SLC35B4: variants seen among roughly 807,000 people sequenced by gnomAD.
SLC35B4 encodes the protein nucleotide sugar transporter SLC35B4.
In SLC35B4, 28 loss-of-function variants were observed where a neutral mutation model predicts 39.5. The ratio of observed to expected loss-of-function variants is 0.71; its 90% CI spans 0.53 to 0.97. The LOEUF (loss-of-function observed/expected upper bound fraction) is 0.97, where lower values mean the gene tolerates loss of function less well. Ranked by LOEUF, SLC35B4 falls within the 50% of genes least tolerant of loss-of-function variation. The probability of loss-of-function intolerance (pLI) is 0.00; values close to 1 mark genes in which losing one functional copy is unlikely to be tolerated. For missense variants in SLC35B4, 334 were observed against 414.3 expected (o/e 0.81, Z 1.68); for synonymous variants, 145 against 150.4 (o/e 0.96, Z 0.26).
At chr7:134,295,784 C>CA (rs1803453124) in intron 9 of SLC35B4, among the ~76,000 whole-genome samples, 1 of 151,862 alleles carries the variant, frequency 6.6e-6, no homozygotes. Flanking sequence ...CTTAGGACAC[C>CA]AAAAAATCAC....
At chr7:134,300,613 C>T (rs1006143296) in intron 6 of SLC35B4, among the ~76,000 whole-genome samples, 2 of 152,094 alleles carry the variant, frequency 1.3e-5, no homozygotes, top group Non-Finnish European at 2.9e-5. Flanking sequence ...GGATGTAGCA[C>T]ACTTAAATGT....
chr7:134,308,248 T>C (rs1478240635), intron 2 of SLC35B4, among the ~76,000 whole-genome samples: 2 of 152,006 alleles, frequency 1.3e-5, no homozygotes, highest in Non-Finnish European at 2.9e-5. Context: ...TTAAGTGAAA[T>C]TGATGGATGA....
rs769996271 is a variant in SLC35B4, at chr7:134,299,605, A to G, written c.598-7T>C. 1.2e-6 allele frequency: 2 copies of G among 1,611,984 alleles called. No homozygotes were observed. Among genetic ancestry groups the G allele is most frequent in the South Asian group, 1.1e-5 (1 of 90,984 alleles). Reference sequence around the variant, plus strand: ...CCGGAAGTGGAAGGGCGTGCTATGGAAAGAAACAGGTCAGATAAATGTAAG... The same window carrying G: ...CCGGAAGTGGAAGGGCGTGCTATGGGAAGAAACAGGTCAGATAAATGTAAG... On this transcript the variant is annotated splice_region_variant and splice_polypyrimidine_tract_variant and intron_variant, in intron 7 of 9. Transcript: ENST00000378509.
upstream of SLC35B4, among the ~76,000 whole-genome samples, chr7:134,318,045 C>T (rs1439314329): frequency 8.5e-5 from 13 of 152,198 alleles, no homozygotes; most frequent in African/African-American, 3.1e-4. Context: ...TTGCTATTTC[C>T]TGTGAGACAC....
intron 1 of SLC35B4, among the ~76,000 whole-genome samples, chr7:134,312,998 C>T (rs904722094): frequency 2.0e-5 from 3 of 152,144 alleles, no homozygotes; most frequent in African/African-American, 7.2e-5. Context: ...CAGCAATAAC[C>T]CTATTCTACT....
chr7:134,301,679 G>A, intron 6 of SLC35B4, 82 bp downstream of exon 6: 4 of 1,309,786 alleles, frequency 3.1e-6, no homozygotes, highest in Non-Finnish European at 4.4e-6. Context: ...GAAGCTTCTT[G>A]CCAAGAAACA....
chr7:134,317,487 C>G (rs1349477578), upstream of SLC35B4, among the ~76,000 whole-genome samples: 3 of 152,170 alleles, frequency 2.0e-5, no homozygotes, highest in South Asian at 2.1e-4. Context: ...TGAGGTGCAG[C>G]CTTAAAGGTG....
chr7:134,304,414 C>T (rs550872127), intron 4 of SLC35B4, among the ~76,000 whole-genome samples: 2 of 151,992 alleles, frequency 1.3e-5, no homozygotes, highest in African/African-American at 4.8e-5. Flanking sequence ...AAAAAATGTA[C>T]GTGACTAATG....
At chr7:134,298,465 T>A (rs1035804764) in intron 8 of SLC35B4, among the ~76,000 whole-genome samples, 1 of 152,214 alleles carries the variant, frequency 6.6e-6, no homozygotes, top group Non-Finnish European at 1.5e-5. Context: ...GAAGGCAGAT[T>A]CTGTAAAACA....
At chr7:134,317,316 TG>T (rs758333602), upstream of SLC35B4, among the ~76,000 whole-genome samples, 5 of 152,260 alleles carry the variant, frequency 3.3e-5, no homozygotes, top group East Asian at 7.7e-4. Flanking sequence ...TATATATATA[TG>T]TATCTTTGGT....
chr7:134,293,147 T>TAC lies in SLC35B4; in HGVS notation c.*1684_*1685dup, dbSNP rs57402927. On this transcript the variant is annotated 3_prime_UTR_variant, in exon 10 of 10. Coordinates refer to ENST00000378509, the MANE Select transcript of SLC35B4 (RefSeq NM_032826.5). ...TGTGCACCACACACACACACATACATACACACACACACACACAGTCTTTGT... is the reference window on the plus strand; with the variant it reads ...TGTGCACCACACACACACACATACATACACACACACACACACACAGTCTTTGT... 3,807 of 150,618 alleles carry TAC rather than the reference T, an allele frequency of 0.025. 69 individuals are homozygous for TAC. Among genetic ancestry groups the TAC allele is most frequent in the Non-Finnish European group, 0.041 (2,745 of 67,536 alleles). The allele number at this position is 150,618 out of a possible 1,614,324, so 9.3% of individuals were successfully genotyped here. A position where few individuals can be genotyped will look rare whatever the true frequency, so the allele number is the denominator to read the frequency against.
chr7:134,309,325 T>TA (rs1340510577), intron 2 of SLC35B4, 41 bp downstream of exon 2: 4 of 1,343,720 alleles, frequency 3.0e-6, no homozygotes, highest in Admixed American at 2.6e-5. Context: ...TTTACTTTCT[T>TA]AAAAAATCCA....
upstream of SLC35B4, chr7:134,317,040 T>G: frequency 1.9e-5 from 7 of 377,698 alleles, no homozygotes; most frequent in Non-Finnish European, 2.9e-5. Flanking sequence ...GGATGCGACG[T>G]TCCCGCTTCC....
At chr7:134,299,417 A>G (rs41274185) in intron 8 of SLC35B4, 106 bp downstream of exon 8, 6 of 823,412 alleles carry the variant, frequency 7.3e-6, no homozygotes, top group African/African-American at 6.9e-5. Flanking sequence ...AAAGGAACAC[A>G]TGATTTGAAT....
At position 134,309,346 on chromosome 7, in the gene SLC35B4, G is replaced by C; in HGVS notation, c.191+20C>G. 1.3e-6 allele frequency: 2 copies of C among 1,511,968 alleles called. No individual in the cohort carries two copies. Among genetic ancestry groups the C allele is most frequent in the Non-Finnish European group, 1.8e-6 (2 of 1,114,266 alleles). 93.7% of individuals were successfully genotyped at this position (1,511,968 alleles called of 1,614,324 possible). A position where few individuals can be genotyped will look rare whatever the true frequency, so the allele number is the denominator to read the frequency against. ...TTCTTAAAAAATCCAAAAGCTAAAAGAGACTCTAATGTACCATACCTTATT... is the reference window on the plus strand; with the variant it reads ...TTCTTAAAAAATCCAAAAGCTAAAACAGACTCTAATGTACCATACCTTATT... On this transcript the variant is annotated intron_variant, in intron 2 of 9. Transcript: ENST00000378509.
At chr7:134,315,851 T>C (rs1803960072) in intron 1 of SLC35B4, among the ~76,000 whole-genome samples, 1 of 152,132 alleles carries the variant, frequency 6.6e-6, no homozygotes, top group Non-Finnish European at 1.5e-5. Context: ...AGAGTGAAAT[T>C]CACAACCCAG....
In SLC35B4 at chr7:134,294,600, G is replaced by A; in HGVS notation, c.*233C>T. 2 of 459,134 alleles carry A rather than the reference G, an allele frequency of 4.4e-6. No individual in the cohort carries two copies. Among genetic ancestry groups the A allele is most frequent in the East Asian group, 7.1e-5 (2 of 28,118 alleles). 28.4% of individuals were successfully genotyped at this position (459,134 alleles called of 1,614,324 possible). On this transcript the variant is annotated 3_prime_UTR_variant, in exon 10 of 10. Coordinates refer to ENST00000378509, the MANE Select transcript of SLC35B4 (RefSeq NM_032826.5). ...GTAAACAAAACAGAAATAAATGAAT[G>A]GGCTGTTCAATAGTCCAGAACTGTT...
chr7:134,316,282 G>A (rs1803973412), intron 1 of SLC35B4, among the ~76,000 whole-genome samples: 1 of 152,152 alleles, frequency 6.6e-6, no homozygotes, highest in East Asian at 1.9e-4. Context: ...TGGATGGGAA[G>A]GAAGAGAGAG....
At position 134,300,146 on chromosome 7, in the gene SLC35B4, G is replaced by A. The variant is rs763855230; in HGVS notation, c.597+6C>T. 4 of 1,577,006 alleles carry A rather than the reference G, an allele frequency of 2.5e-6. No homozygotes were observed. In the South Asian group the frequency reaches 4.6e-5, roughly 18 times the overall value. On this transcript the variant is annotated splice_donor_region_variant and intron_variant, in intron 7 of 9. Transcript: ENST00000378509. The stretch of plus-strand genomic sequence containing the variant: ...TTCACGTTCCCAGGTTCAGGAAGTT[G>A]CTTACATTATAAAACAAAGCCTCCT...
Sources: allele counts gnomAD v4.1 joint callset (sites outside exome capture counted in the v4.1 genomes callset), GRCh38; gene constraint gnomAD v4.1.1; transcripts MANE v1.5; gene names NCBI Gene and HGNC (gene_info 2026-07-23, HGNC 2026-07-21).